The following SPOCK2 variants were observed in gnomAD, a reference collection of about 807,000 sequenced individuals.
The protein encoded by SPOCK2 is SPARC (osteonectin), cwcv and kazal like domains proteoglycan 2, also known as testican-2.
SPOCK2 carries 39 observed loss-of-function variants against 60.1 expected under a neutral mutation model. That is an observed-to-expected ratio of 0.65 (90% confidence interval 0.50 to 0.85). The LOEUF (loss-of-function observed/expected upper bound fraction) is 0.85, where lower values mean the gene tolerates loss of function less well. SPOCK2 is among the 40% of genes least tolerant of loss of function. The pLI is 0.00. For missense variants in SPOCK2, 523 were observed against 567.4 expected, an observed-to-expected ratio of 0.92 and a Z score of 0.80; for synonymous variants, 217 against 231.5, an observed-to-expected ratio of 0.94 and a Z score of 0.57.
chr10:72,060,455 CTCCT>C lies in SPOCK2; in HGVS notation c.*2301_*2304del, dbSNP rs1278647812. 3 of 152,304 alleles carry C rather than the reference CTCCT, an allele frequency of 2.0e-5. No individual in the cohort carries two copies. The highest frequency in any genetic ancestry group is 6.5e-5 in the Admixed American group (1 of 15,274). The allele number at this position is 152,304 out of a possible 1,614,324, so 9.4% of individuals were successfully genotyped here. On this transcript the variant is annotated 3_prime_UTR_variant, in exon 11 of 11. Transcript: ENST00000373109. ...GGACAGGGGACACCCTTCCTCTGAA[CTCCT>C]TCCTTCCCCAGGCCCCCCAGCATCC...
intron 4 of SPOCK2, among the ~76,000 whole-genome samples, chr10:72,071,589 T>C (rs1840647806): frequency 6.6e-6 from 1 of 152,196 alleles, no homozygotes; most frequent in Admixed American, 6.5e-5. Context: ...TCACTGCATG[T>C]CAGAGCTGAA....
chr10:72,071,061 G>A (rs1840640610), intron 4 of SPOCK2, among the ~76,000 whole-genome samples: 1 of 152,162 alleles, frequency 6.6e-6, no homozygotes, highest in Non-Finnish European at 1.5e-5. Context: ...TTCTAAGACT[G>A]CAACCCCATC....
In SPOCK2 at chr10:72,079,014, G is replaced by A. The variant is rs533575429; in HGVS notation, c.190-6104C>T. On this transcript the variant is annotated intron_variant, in intron 1 of 10. Transcript: ENST00000373109. ...GACATCTTTATAGCAATTACCACGT[G>A]GCAAGCATTATGCTAAACACTTCAC... 3.3e-5 allele frequency among the ~76,000 whole-genome samples: 5 copies of A among 152,280 alleles called. No homozygotes were observed. The East Asian group carries it at 9.6e-4, about 29-fold the overall frequency.
chr10:72,072,505 T>C lies in SPOCK2; in HGVS notation c.242A>G (p.Glu81Gly), dbSNP rs1262281582. ...CCCCGCCGGGAGAGTCATGTTACCT[T>C]CATCTCCTTGCTGATTGTCCTCCCA... ...KSWEDNQQGD[E>G]ALDTTKDPCQ... The change falls in exon 3 of 11, where the codon GAA becomes GGA. Residue 81 changes from glutamate to glycine, a missense_variant and splice_region_variant. By Grantham distance (98) the Glu-to-Gly change is moderately conservative. Coordinates refer to ENST00000373109, the MANE Select transcript of SPOCK2 (RefSeq NM_001244950.2). The C allele has an allele frequency of 6.2e-7, 1 of 1,614,010 alleles. No individual in the cohort carries two copies. Among genetic ancestry groups the C allele is most frequent in the East Asian group, 2.2e-5 (1 of 44,882 alleles).
chr10:72,064,699 T>C (rs1840543837), intron 8 of SPOCK2, among the ~76,000 whole-genome samples: 1 of 152,196 alleles, frequency 6.6e-6, no homozygotes, highest in African/African-American at 2.4e-5. Context: ...CTGTACCTTT[T>C]CTATGCTTAG....
At chr10:72,084,252 G>A (rs1280176885) in intron 1 of SPOCK2, among the ~76,000 whole-genome samples, 2 of 152,200 alleles carry the variant, frequency 1.3e-5, no homozygotes, top group African/African-American at 2.4e-5. Flanking sequence ...TACCTGCCCT[G>A]GAAGCCCTCC....
Position 72,060,577 on chromosome 10 carries a change from G to A in SPOCK2, c.*2183C>T, listed in dbSNP as rs897969431. On this transcript the variant is annotated 3_prime_UTR_variant, in exon 11 of 11. Coordinates refer to ENST00000373109, the MANE Select transcript of SPOCK2 (RefSeq NM_001244950.2). ...TAGGTAGACTCCAATCCTAGCAAGAGCAGAAGTTTCAAGTAGCTCCGAGTC... is the reference window on the plus strand; with the variant it reads ...TAGGTAGACTCCAATCCTAGCAAGAACAGAAGTTTCAAGTAGCTCCGAGTC... 9.2e-5 allele frequency: 14 copies of A among 152,358 alleles called. No homozygotes were observed. The highest frequency in any genetic ancestry group is 7.9e-4 in the Admixed American group (12 of 15,240). 9.4% of individuals were successfully genotyped at this position (152,358 alleles called of 1,614,324 possible). A position where few individuals can be genotyped will look rare whatever the true frequency, so the allele number is the denominator to read the frequency against.
Position 72,072,242 on chromosome 10 carries a change from C to T in SPOCK2, c.261G>A (p.Lys87=). The change falls in exon 4 of 11, where the codon AAG becomes AAA. Residue 87 remains lysine (K), a synonymous_variant. Coordinates refer to ENST00000373109, the MANE Select transcript of SPOCK2 (RefSeq NM_001244950.2). The stretch of plus-strand genomic sequence containing the variant: ...TGCACTTCACCTTCTGGCAGGGGTC[C>T]TTGGTGGTATCCAGGGCTGCAGGGG... ...QQGDEALDTT[K]DPCQKVKCSR... 2 of 1,540,868 alleles carry T rather than the reference C, an allele frequency of 1.3e-6. No individual in the cohort carries two copies. Among genetic ancestry groups the T allele is most frequent in the Non-Finnish European group, 1.8e-6 (2 of 1,142,474 alleles).
chr10:72,067,204 C>A, intron 7 of SPOCK2, 84 bp from the exon 8 acceptor site: 6 of 1,355,090 alleles, frequency 4.4e-6, no homozygotes, highest in Non-Finnish European at 5.0e-6. Flanking sequence ...TCGCCATCAG[C>A]CCCAGCCCTC....
intron 1 of SPOCK2, among the ~76,000 whole-genome samples, chr10:72,082,077 T>C (rs145515900): frequency 2.0e-3 from 307 of 152,196 alleles, no homozygotes; most frequent in Non-Finnish European, 3.5e-3. Flanking sequence ...AAACACACAT[T>C]ACAAATACCA....
At chr10:72,088,006 A>G in intron 1 of SPOCK2, 134 bp downstream of exon 1, 1 of 1,166,118 alleles carries the variant, frequency 8.6e-7, no homozygotes, top group Non-Finnish European at 1.2e-6. Flanking sequence ...AGTACTGTTT[A>G]CTTTCCGTGT....
At chr10:72,065,940 C>G (rs191522645) in intron 8 of SPOCK2, among the ~76,000 whole-genome samples, 1 of 152,282 alleles carries the variant, frequency 6.6e-6, no homozygotes, top group Non-Finnish European at 1.5e-5. Context: ...TGCCGGGGGT[C>G]CCTGACTAGC....
Position 72,060,507 on chromosome 10 carries a change from C to T in SPOCK2, c.*2253G>A, listed in dbSNP as rs1021895513. 1 of 152,290 alleles carries T rather than the reference C, an allele frequency of 6.6e-6. No individual in the cohort carries two copies. Among genetic ancestry groups the T allele is most frequent in the Non-Finnish European group, 1.5e-5 (1 of 68,040 alleles). The allele number at this position is 152,290 out of a possible 1,614,324, so 9.4% of individuals were successfully genotyped here. On this transcript the variant is annotated 3_prime_UTR_variant, in exon 11 of 11. Transcript: ENST00000373109. The stretch of plus-strand genomic sequence containing the variant: ...TCCTTAACAACCCCCACCCCCACCC[C>T]GAGGAGGAAAGTTCCAGAACTCCAG...
At chr10:72,070,595 C>A (rs1392666599) in intron 4 of SPOCK2, among the ~76,000 whole-genome samples, 169 bp from the exon 5 acceptor site, 1 of 150,928 alleles carries the variant, frequency 6.6e-6, no homozygotes, top group African/African-American at 2.4e-5. Context: ...AGACCCTCCT[C>A]CAGCTCAGAA....
intron 2 of SPOCK2, 169 bp from the exon 3 acceptor site, chr10:72,072,717 C>T: frequency 7.5e-7 from 1 of 1,328,680 alleles, no homozygotes; most frequent in South Asian, 1.3e-5. Context: ...CTCCCCCACA[C>T]CTCTATCCCT....
chr10:72,065,692 G>C (rs1486310627), intron 8 of SPOCK2, among the ~76,000 whole-genome samples: 1 of 152,208 alleles, frequency 6.6e-6, no homozygotes, highest in Non-Finnish European at 1.5e-5. Flanking sequence ...GTACAGAATG[G>C]ATGGAGTGGC....
At chr10:72,065,573 G>A (rs1016718723) in intron 8 of SPOCK2, among the ~76,000 whole-genome samples, 1 of 152,182 alleles carries the variant, frequency 6.6e-6, no homozygotes, top group Non-Finnish European at 1.5e-5. Context: ...GACTGTAACC[G>A]GCAGCCAGCC....
intron 1 of SPOCK2, 36 bp downstream of exon 1, chr10:72,088,104 C>G (rs1328707239): frequency 6.2e-7 from 1 of 1,606,046 alleles, no homozygotes; most frequent in Non-Finnish European, 8.5e-7. Context: ...GAACCCGCAA[C>G]CCCGGGTCTC....
intron 9 of SPOCK2, 134 bp from the exon 10 acceptor site, chr10:72,063,296 C>A: frequency 7.8e-7 from 1 of 1,275,450 alleles, no homozygotes; most frequent in Non-Finnish European, 1.1e-6. Flanking sequence ...GGTGCTGACC[C>A]CCCAACAGGC....
Sources: allele counts gnomAD v4.1 joint callset (sites outside exome capture counted in the v4.1 genomes callset), GRCh38; gene constraint gnomAD v4.1.1; transcripts MANE v1.5; gene names NCBI Gene and HGNC (gene_info 2026-07-23, HGNC 2026-07-21).